FGGY: variants seen among roughly 807,000 people sequenced by gnomAD.
FGGY encodes FGGY carbohydrate kinase domain containing.
Under a neutral mutation model 71.3 loss-of-function variants are expected in FGGY, and 72 were observed. The ratio of observed to expected loss-of-function variants is 1.01; its 90% CI spans 0.84 to 1.23. FGGY has a LOEUF of 1.23. FGGY is among the 50% of genes most tolerant of loss of function. FGGY has a pLI of 0.00. For synonymous variants in FGGY, 251 were observed against 250.3 expected, an observed-to-expected ratio of 1.00 and a Z score of -0.02; for missense variants, 668 against 682.3, an observed-to-expected ratio of 0.98 and a Z score of 0.23.
At chr1:59,413,215 T>C (rs553480380) in intron 5 of FGGY, among the ~76,000 whole-genome samples, 7 of 152,330 alleles carry the variant, frequency 4.6e-5, no homozygotes, top group Non-Finnish European at 7.4e-5. Context: ...TCATTTATAA[T>C]AGTGATGTCA....
At chr1:59,568,857 A>G (rs563755467) in intron 8 of FGGY, among the ~76,000 whole-genome samples, 65 of 152,312 alleles carry the variant, frequency 4.3e-4, no homozygotes, top group African/African-American at 1.5e-3. Flanking sequence ...TAGTCAACAC[A>G]TAGTTTATAA....
intron 6 of FGGY, among the ~76,000 whole-genome samples, chr1:59,486,050 A>T (rs1384318555): frequency 1.3e-5 from 2 of 152,206 alleles, no homozygotes; most frequent in East Asian, 1.9e-4. Flanking sequence ...CCTCTGGCAC[A>T]TCACTTAGAG....
At position 59,493,294 on chromosome 1, in the gene FGGY, A is replaced by G. The variant is rs1412983068; in HGVS notation, c.671-19017A>G. On this transcript the variant is annotated intron_variant, in intron 6 of 15. Transcript: ENST00000303721. ...TCCAGCATTTCATTTCTGGCCATATACCCAAAAGAATGGAAAGCAAGGACT... is the reference window on the plus strand; with the variant it reads ...TCCAGCATTTCATTTCTGGCCATATGCCCAAAAGAATGGAAAGCAAGGACT... Among the ~76,000 whole-genome samples, 6 of 152,334 alleles carry G rather than the reference A, an allele frequency of 3.9e-5. No homozygotes were observed. In the East Asian group the frequency reaches 1.2e-3, roughly 29 times the overall value.
At chr1:59,560,241 G>A (rs2095764615) in intron 8 of FGGY, among the ~76,000 whole-genome samples, 2 of 152,084 alleles carry the variant, frequency 1.3e-5, no homozygotes, top group Non-Finnish European at 2.9e-5. Context: ...TTAGTTAAGG[G>A]ACATCCTATA....
intron 10 of FGGY, among the ~76,000 whole-genome samples, chr1:59,636,539 C>T (rs112373265): frequency 0.064 from 9,710 of 152,130 alleles, 402 homozygotes; most frequent in Non-Finnish European, 0.099. Context: ...AGGAGAATGG[C>T]GTGAACCCGG....
chr1:59,340,957 T>C (rs1175234969), intron 3 of FGGY, among the ~76,000 whole-genome samples: 3 of 152,202 alleles, frequency 2.0e-5, no homozygotes, highest in African/African-American at 7.2e-5. Flanking sequence ...CTAGGCATTG[T>C]CAGTCAGCTG....
At chr1:59,607,545 G>A (rs1572018914) in intron 8 of FGGY, among the ~76,000 whole-genome samples, 1 of 152,176 alleles carries the variant, frequency 6.6e-6, no homozygotes, top group South Asian at 2.1e-4. Context: ...CTCTGCCATA[G>A]TGAGGGAGCC....
At chr1:59,710,746 C>T (rs1473373118) in intron 14 of FGGY, among the ~76,000 whole-genome samples, 3 of 152,068 alleles carry the variant, frequency 2.0e-5, no homozygotes, top group African/African-American at 4.8e-5. Flanking sequence ...ACAGAGATAC[C>T]GTCTCAACAC....
At chr1:59,514,666 C>G (rs1469752516) in intron 7 of FGGY, among the ~76,000 whole-genome samples, 1 of 152,120 alleles carries the variant, frequency 6.6e-6, no homozygotes, top group Admixed American at 6.5e-5. Flanking sequence ...CCGGTCTTTC[C>G]CATGCTATTC....
intron 5 of FGGY, among the ~76,000 whole-genome samples, chr1:59,403,270 A>G (rs17096906): frequency 0.029 from 4,481 of 152,286 alleles, 212 homozygotes; most frequent in African/African-American, 0.1. Context: ...ATTTTTCTCT[A>G]TACTGACTTT....
At chr1:59,748,607 G>A (rs1468826890) in intron 14 of FGGY, among the ~76,000 whole-genome samples, 1 of 152,182 alleles carries the variant, frequency 6.6e-6, no homozygotes, top group Non-Finnish European at 1.5e-5. Flanking sequence ...ACTCCATCCT[G>A]AAGTTCTAGT....
At chr1:59,420,833 A>G (rs964631057) in intron 5 of FGGY, among the ~76,000 whole-genome samples, 3 of 151,852 alleles carry the variant, frequency 2.0e-5, no homozygotes, top group African/African-American at 4.8e-5. Context: ...GGGTGATCCC[A>G]GTAATCACAA....
chr1:59,502,006 A>G (rs1048162025), intron 6 of FGGY, among the ~76,000 whole-genome samples: 1 of 152,236 alleles, frequency 6.6e-6, no homozygotes, highest in Non-Finnish European at 1.5e-5. Flanking sequence ...GGCAGACAAC[A>G]TGCTAAAACA....
chr1:59,740,259 A>C (rs2101242371), intron 14 of FGGY, among the ~76,000 whole-genome samples: 1 of 152,310 alleles, frequency 6.6e-6, no homozygotes, highest in Admixed American at 6.5e-5. Flanking sequence ...ACTTCAGCTC[A>C]ATTTCCCATT....
chr1:59,464,520 G>T (rs1235192986), intron 6 of FGGY, among the ~76,000 whole-genome samples: 1 of 152,102 alleles, frequency 6.6e-6, no homozygotes, highest in Non-Finnish European at 1.5e-5. Flanking sequence ...AAAATTAGCA[G>T]AACGGAAGGA....
At chr1:59,667,500 G>T (rs762980578) in intron 13 of FGGY, 97 bp downstream of exon 13, 157 of 1,378,980 alleles carry the variant, frequency 1.1e-4, no homozygotes, top group Non-Finnish European at 1.5e-4. Flanking sequence ...GGATATATGC[G>T]GTATGCCAGA....
intron 2 of FGGY, among the ~76,000 whole-genome samples, chr1:59,327,080 G>A (rs1481081622): frequency 6.6e-6 from 1 of 152,210 alleles, no homozygotes; most frequent in Admixed American, 6.5e-5. Context: ...AATTAGGGTG[G>A]TGGTTGCTGA....
intron 4 of FGGY, among the ~76,000 whole-genome samples, chr1:59,353,115 A>G (rs1184435227): frequency 6.6e-6 from 1 of 152,194 alleles, no homozygotes; most frequent in Non-Finnish European, 1.5e-5. Flanking sequence ...CCACTTACCA[A>G]TTGTGGGATC....
intron 7 of FGGY, among the ~76,000 whole-genome samples, chr1:59,537,667 G>A (rs1055685284): frequency 5.3e-5 from 8 of 152,014 alleles, no homozygotes; most frequent in Non-Finnish European, 1.0e-4. Flanking sequence ...CAATGGAACA[G>A]AACAGAGCCC....
Sources: gnomAD v4.1 joint callset for allele counts (sites outside exome capture counted in the v4.1 genomes callset) on GRCh38, gnomAD v4.1.1 for gene constraint, MANE v1.5 for transcripts, NCBI Gene and HGNC (gene_info 2026-07-23, HGNC 2026-07-21) for gene names.